RBM6: variants seen among roughly 807,000 people sequenced by gnomAD.
The protein encoded by RBM6 is RNA-binding protein 6.
RBM6 carries 23 observed loss-of-function variants against 140.4 expected under a neutral mutation model. The observed-to-expected ratio is 0.16, with a 90% confidence interval of 0.12 to 0.23. The LOEUF is 0.23. RBM6 is among the 10% of genes least tolerant of loss of function. The pLI is 1.00. For synonymous variants in RBM6, 439 were observed against 475.6 expected (o/e 0.92, Z 1.00); for missense variants, 1,139 against 1,386.7 (o/e 0.82, Z 2.84).
chr3:49,958,253 G>A (rs1317536242), intron 1 of RBM6, among the ~76,000 whole-genome samples: 4 of 143,824 alleles, frequency 2.8e-5, no homozygotes, highest in Non-Finnish European at 3.0e-5. Context: ...GTGAAACCCC[G>A]TCTCTACTAA....
At chr3:50,076,910 A>G in intron 20 of RBM6, 98 bp from the exon 21 acceptor site, 1 of 1,283,356 alleles carries the variant, frequency 7.8e-7, no homozygotes, top group Non-Finnish European at 1.0e-6. Context: ...TATCCTATAT[A>G]CTGCTTCTTA....
At chr3:49,943,311 A>G (rs1199362948) in intron 1 of RBM6, among the ~76,000 whole-genome samples, 1 of 150,048 alleles carries the variant, frequency 6.7e-6, no homozygotes, top group Non-Finnish European at 1.5e-5. Context: ...TATTTTATTT[A>G]TTTTTTTTTG....
intron 6 of RBM6, 54 bp downstream of exon 6, chr3:49,999,567 G>T (rs1220151480): frequency 1.4e-6 from 2 of 1,380,408 alleles, no homozygotes; most frequent in Non-Finnish European, 2.1e-6. Flanking sequence ...TTTTATATAT[G>T]GGGAGGGAGG....
chr3:50,040,320 C>A (rs1318008112), intron 6 of RBM6, among the ~76,000 whole-genome samples: 2 of 151,084 alleles, frequency 1.3e-5, no homozygotes, highest in African/African-American at 4.9e-5. Context: ...GTGATGGGTG[C>A]CTGTAGTCCC....
intron 1 of RBM6, among the ~76,000 whole-genome samples, chr3:49,956,328 CTTTTTTTTTT>C (rs34467093): frequency 2.8e-5 from 2 of 72,054 alleles, no homozygotes; most frequent in East Asian, 3.8e-4. Context: ...CCCTCCCCCG[CTTTTTTTTTT>C]TTTTTTTTTT....
chr3:50,009,256 G>T (rs2086727480), intron 6 of RBM6, among the ~76,000 whole-genome samples: 1 of 152,210 alleles, frequency 6.6e-6, no homozygotes, highest in Non-Finnish European at 1.5e-5. Context: ...AAGCATTCAG[G>T]CATGTGAGGG....
At chr3:49,956,958 C>A (rs994964072) in intron 1 of RBM6, among the ~76,000 whole-genome samples, 1 of 152,180 alleles carries the variant, frequency 6.6e-6, no homozygotes, top group Non-Finnish European at 1.5e-5. Flanking sequence ...AGCCACCAGG[C>A]CTGGCCTGCT....
At chr3:50,065,643 A>C (rs557544188) in intron 16 of RBM6, 2 of 456,982 alleles carry the variant, frequency 4.4e-6, no homozygotes, top group African/African-American at 4.0e-5. Flanking sequence ...GTATATAACA[A>C]TAGTGACCAT....
chr3:50,071,750 T>C (rs1285319292), intron 19 of RBM6, among the ~76,000 whole-genome samples: 1 of 152,198 alleles, frequency 6.6e-6, no homozygotes, highest in Non-Finnish European at 1.5e-5. Flanking sequence ...GTCTCTGGTC[T>C]CTGGATAGCT....
intron 6 of RBM6, among the ~76,000 whole-genome samples, chr3:50,006,316 A>C (rs966494078): frequency 6.6e-6 from 1 of 151,748 alleles, no homozygotes; most frequent in Non-Finnish European, 1.5e-5. Context: ...TTGTATTTTC[A>C]GTAGAAATGG....
At position 50,063,608 on chromosome 3, in the gene RBM6, A is replaced by G. The variant is rs925572572; in HGVS notation, c.2587-1423A>G. On this transcript the variant is annotated intron_variant, in intron 15 of 20. Coordinates refer to ENST00000266022, the MANE Select transcript of RBM6 (RefSeq NM_005777.3). ...CCAGACTTGTCTCAAAAAAAAAAAA[A>G]AAAGAAAATCTGCCGGGCATGGTGG... Among the ~76,000 whole-genome samples, 24 of 151,718 alleles carry G rather than the reference A, an allele frequency of 1.6e-4. 1 individual carries two copies. The East Asian group carries it at 2.2e-3, about 14-fold the overall frequency.
At chr3:50,049,919 C>G (rs1004421064) in intron 7 of RBM6, among the ~76,000 whole-genome samples, 1 of 151,262 alleles carries the variant, frequency 6.6e-6, no homozygotes, top group African/African-American at 2.4e-5. Context: ...CAGTCCCTGG[C>G]TCAAGTCATC....
At chr3:50,070,907 A>T (rs929030327) in intron 19 of RBM6, among the ~76,000 whole-genome samples, 3 of 152,248 alleles carry the variant, frequency 2.0e-5, no homozygotes, top group African/African-American at 7.2e-5. Flanking sequence ...CATAGGTGCT[A>T]AATAAATGGT....
intron 5 of RBM6, among the ~76,000 whole-genome samples, chr3:49,978,788 G>A (rs926152451): frequency 1.3e-5 from 2 of 152,100 alleles, no homozygotes; most frequent in African/African-American, 4.8e-5. Flanking sequence ...ACATTTATGG[G>A]ATTTTGGAAT....
At chr3:50,055,151 G>C (rs1377995918) in intron 8 of RBM6, among the ~76,000 whole-genome samples, 2 of 152,238 alleles carry the variant, frequency 1.3e-5, no homozygotes, top group Admixed American at 1.3e-4. Context: ...ATTTGAGCTA[G>C]GCATGGTGGC....
At chr3:49,989,595 A>T (rs1027296381) in intron 5 of RBM6, among the ~76,000 whole-genome samples, 3 of 152,054 alleles carry the variant, frequency 2.0e-5, no homozygotes, top group Non-Finnish European at 2.9e-5. Flanking sequence ...AATAAATAAA[A>T]TAATAATAAT....
chr3:49,994,620 C>T (rs1315245328), intron 5 of RBM6, among the ~76,000 whole-genome samples: 2 of 151,374 alleles, frequency 1.3e-5, no homozygotes. Flanking sequence ...ATTCAAAATG[C>T]TTTGTTCTCA....
intron 5 of RBM6, among the ~76,000 whole-genome samples, chr3:49,987,269 A>T (rs1311439537): frequency 6.6e-6 from 1 of 151,422 alleles, no homozygotes; most frequent in Non-Finnish European, 1.5e-5. Flanking sequence ...TATATTTTTT[A>T]AAAATAGTAT....
At chr3:49,958,818 A>G (rs988448297) in intron 1 of RBM6, among the ~76,000 whole-genome samples, 61 of 126,298 alleles carry the variant, frequency 4.8e-4, no homozygotes, top group African/African-American at 1.8e-3. Context: ...ATGGAGTCTC[A>G]CTCTGTTGCC....
Sources: gnomAD v4.1 joint callset for allele counts (sites outside exome capture counted in the v4.1 genomes callset) on GRCh38, gnomAD v4.1.1 for gene constraint, MANE v1.5 for transcripts, NCBI Gene and HGNC (gene_info 2026-07-23, HGNC 2026-07-21) for gene names.